SORBS2: variants seen among roughly 807,000 people sequenced by gnomAD.
The protein encoded by SORBS2 is sorbin and SH3 domain-containing protein 2.
Under a neutral mutation model 97.7 loss-of-function variants are expected in SORBS2, and 46 were observed. The ratio of observed to expected loss-of-function variants is 0.47; its 90% CI spans 0.37 to 0.60. The LOEUF (loss-of-function observed/expected upper bound fraction) is 0.60. SORBS2 is among the 20% of genes least tolerant of loss of function. The pLI, the probability that SORBS2 is intolerant of heterozygous loss-of-function variation, is 0.00. For synonymous variants in SORBS2, 476 were observed against 473.4 expected, an observed-to-expected ratio of 1.01 and a Z score of -0.07; for missense variants, 1,316 against 1,282.3, an observed-to-expected ratio of 1.03 and a Z score of -0.40.
chr4:185,809,425 G>C (rs2099169758), intron 1 of SORBS2, among the ~76,000 whole-genome samples: 1 of 102,252 alleles, frequency 9.8e-6, no homozygotes, highest in South Asian at 3.5e-4. Context: ...AGATTTAAAG[G>C]AAATGACTCT....
intron 12 of SORBS2, among the ~76,000 whole-genome samples, chr4:185,599,966 C>A (rs1427246711): frequency 1.3e-5 from 2 of 152,210 alleles, no homozygotes; most frequent in Non-Finnish European, 2.9e-5. Flanking sequence ...AACCGCTGAG[C>A]CCTCTGACAG....
At chr4:185,934,814 G>T (rs1389027889) in intron 1 of SORBS2, among the ~76,000 whole-genome samples, 1 of 151,466 alleles carries the variant, frequency 6.6e-6, no homozygotes, top group Non-Finnish European at 1.5e-5. Context: ...AGAAATCAAG[G>T]CAGTTGCTGA....
At chr4:185,740,100 A>G (rs762053024) in intron 2 of SORBS2, 4 of 152,680 alleles carry the variant, frequency 2.6e-5, no homozygotes, top group Admixed American at 6.5e-5. Context: ...CTCAAACCAG[A>G]AATAATACCC....
intron 2 of SORBS2, among the ~76,000 whole-genome samples, chr4:185,699,519 T>C (rs1232189506): frequency 1.3e-5 from 2 of 152,168 alleles, no homozygotes; most frequent in Non-Finnish European, 2.9e-5. Context: ...ACTCTTGACC[T>C]CAGGTAATCT....
intron 11 of SORBS2, among the ~76,000 whole-genome samples, chr4:185,613,953 T>G (rs1244942996): frequency 1.3e-5 from 2 of 152,118 alleles, no homozygotes; most frequent in Non-Finnish European, 2.9e-5. Flanking sequence ...GGTATTGCTC[T>G]TCATCGCACC....
rs530459909 is a variant in SORBS2 at position 185,585,718 on chromosome 4, G to A, written c.*1909C>T. The A allele has an allele frequency of 4.6e-5, 7 of 152,248 alleles. 1 individual carries two copies. Among genetic ancestry groups the A allele is most frequent in the Admixed American group, 3.3e-4 (5 of 15,292 alleles). The allele number at this position is 152,248 out of a possible 1,614,324, so 9.4% of individuals were successfully genotyped here. On this transcript the variant is annotated 3_prime_UTR_variant, in exon 15 of 15. Coordinates refer to ENST00000418609, the Ensembl canonical transcript of SORBS2. Reference sequence around the variant, plus strand: ...ATATTGAAGTCTTTTCTCATAAATGGCATCAAAGAGAATTATTCATTTATC... The same window carrying A: ...ATATTGAAGTCTTTTCTCATAAATGACATCAAAGAGAATTATTCATTTATC...
chr4:185,731,860 C>CTATATA (rs2098638717), intron 2 of SORBS2, among the ~76,000 whole-genome samples: 1 of 34,260 alleles, frequency 2.9e-5, no homozygotes, highest in Non-Finnish European at 5.4e-5. Flanking sequence ...CTCTCTCTCT[C>CTATATA]TCTCTCTATA....
intron 1 of SORBS2, among the ~76,000 whole-genome samples, chr4:185,917,402 GT>G (rs954340025): frequency 7.9e-5 from 12 of 152,206 alleles, no homozygotes; most frequent in African/African-American, 2.9e-4. Flanking sequence ...CATCTTTTGT[GT>G]TTTTTATAGA....
chr4:185,751,533 T>C (rs1394474062), intron 2 of SORBS2, among the ~76,000 whole-genome samples: 1 of 152,174 alleles, frequency 6.6e-6, no homozygotes, highest in Non-Finnish European at 1.5e-5. Context: ...TGAGGACTGA[T>C]TCTAGCATGA....
At chr4:185,672,669 T>C (rs6847412) in intron 4 of SORBS2, among the ~76,000 whole-genome samples, 1,544 of 152,348 alleles carry the variant, frequency 0.01, 24 homozygotes, top group African/African-American at 0.035. Flanking sequence ...GAGCAGACAT[T>C]AATAATAACA....
rs542989276 is a variant in SORBS2 at position 185,868,465 on chromosome 4, T to C, written c.-338+87731A>G. On this transcript the variant is annotated intron_variant, in intron 1 of 20. Transcript: ENST00000284776. The stretch of plus-strand genomic sequence containing the variant: ...GCCACCGTGCCCAGCCGAAAGCTTC[T>C]ACTTTCTAAAAGACACCCCAGCTCC... Among the ~76,000 whole-genome samples, 14 of 150,942 alleles carry C rather than the reference T, an allele frequency of 9.3e-5. 1 individual carries two copies. The East Asian group carries it at 2.7e-3, about 29-fold the overall frequency.
At chr4:185,899,591 T>C (rs2099246606) in intron 1 of SORBS2, among the ~76,000 whole-genome samples, 1 of 152,082 alleles carries the variant, frequency 6.6e-6, no homozygotes, top group Admixed American at 6.5e-5. Context: ...GCACTGAGTT[T>C]AAACCCACCT....
chr4:185,911,012 A>T (rs1162295944), intron 1 of SORBS2, among the ~76,000 whole-genome samples: 1 of 152,114 alleles, frequency 6.6e-6, no homozygotes, highest in Non-Finnish European at 1.5e-5. Flanking sequence ...GCATTGAGTC[A>T]TTTAATATTC....
At chr4:185,658,326 T>G (rs1466041940), upstream of SORBS2, among the ~76,000 whole-genome samples, 4 of 152,200 alleles carry the variant, frequency 2.6e-5, no homozygotes, top group Non-Finnish European at 5.9e-5. Flanking sequence ...GTTCTTCATG[T>G]TTTTTAGTAA....
intron 2 of SORBS2, among the ~76,000 whole-genome samples, chr4:185,690,324 A>G (rs1237546258): frequency 6.6e-6 from 1 of 152,246 alleles, no homozygotes; most frequent in East Asian, 1.9e-4. Flanking sequence ...AGTTAGTTTT[A>G]ACATGTGATT....
intron 4 of SORBS2, among the ~76,000 whole-genome samples, chr4:185,667,757 A>G (rs1376118365): frequency 6.7e-6 from 1 of 149,716 alleles, no homozygotes; most frequent in Non-Finnish European, 1.5e-5. Context: ...AAATCTCTAG[A>G]AATAACTGAC....
chr4:185,867,556 G>C (rs2099227650), intron 1 of SORBS2, among the ~76,000 whole-genome samples: 1 of 152,178 alleles, frequency 6.6e-6, no homozygotes, highest in Admixed American at 6.5e-5. Flanking sequence ...AGTCCAAGAA[G>C]TCAGAGGGAG....
intron 1 of SORBS2, among the ~76,000 whole-genome samples, chr4:185,883,908 A>G: frequency 6.6e-6 from 1 of 152,228 alleles, no homozygotes; most frequent in East Asian, 1.9e-4. Flanking sequence ...AGGACTCTCA[A>G]AAGCATTTTG....
At chr4:185,939,089 C>T (rs951871865) in intron 1 of SORBS2, among the ~76,000 whole-genome samples, 9 of 152,158 alleles carry the variant, frequency 5.9e-5, no homozygotes, top group African/African-American at 1.7e-4. Context: ...TTAACCTCTG[C>T]GCCCTGGCCA....
Sources: allele counts gnomAD v4.1 joint callset (sites outside exome capture counted in the v4.1 genomes callset), GRCh38; gene constraint gnomAD v4.1.1; transcripts MANE v1.5; gene names NCBI Gene and HGNC (gene_info 2026-07-23, HGNC 2026-07-21).